AFF3: variants seen among roughly 807,000 people sequenced by gnomAD.
The protein encoded by AFF3 is ALF transcription elongation factor 3.
In AFF3, 32 loss-of-function variants were observed where a neutral mutation model predicts 129.7. The ratio of observed to expected loss-of-function variants is 0.25; its 90% CI spans 0.19 to 0.33. The LOEUF (loss-of-function observed/expected upper bound fraction) is 0.33, where lower values mean the gene tolerates loss of function less well. Among genes scored for constraint, AFF3 ranks in the 10% least tolerant of loss-of-function variants. The pLI, the probability that AFF3 is intolerant of heterozygous loss-of-function variation, is 1.00. For missense variants in AFF3, 1,373 were observed against 1,592.0 expected, an observed-to-expected ratio of 0.86 and a Z score of 2.34; for synonymous variants, 644 against 635.4, an observed-to-expected ratio of 1.01 and a Z score of -0.20.
chr2:100,138,867 C>G (rs888153516), intron 1 of AFF3, among the ~76,000 whole-genome samples: 2 of 151,436 alleles, frequency 1.3e-5, no homozygotes. Flanking sequence ...ATCACTTGAA[C>G]CCAGGAGGCG....
At chr2:99,671,206 T>C (rs1195960041) in intron 12 of AFF3, among the ~76,000 whole-genome samples, 1 of 152,062 alleles carries the variant, frequency 6.6e-6, no homozygotes. Context: ...ACACAAAGAG[T>C]TGAAATCATT....
chr2:100,044,849 C>T (rs1291491163), intron 4 of AFF3, among the ~76,000 whole-genome samples: 2 of 151,898 alleles, frequency 1.3e-5, no homozygotes, highest in African/African-American at 2.4e-5. Flanking sequence ...GATGGGGCCT[C>T]GAAATGGACA....
intron 20 of AFF3, among the ~76,000 whole-genome samples, chr2:99,565,075 C>T (rs1021175329): frequency 6.6e-6 from 1 of 152,080 alleles, no homozygotes; most frequent in Admixed American, 6.5e-5. Flanking sequence ...CCATAAAATC[C>T]TCCTGAATGT....
chr2:99,697,257 C>T (rs1348680682), intron 11 of AFF3, among the ~76,000 whole-genome samples: 1 of 152,228 alleles, frequency 6.6e-6, no homozygotes, highest in Non-Finnish European at 1.5e-5. Flanking sequence ...GGAGTCCTGC[C>T]GCCCATTCAG....
At chr2:100,054,830 C>T (rs1686632958) in intron 4 of AFF3, among the ~76,000 whole-genome samples, 2 of 152,204 alleles carry the variant, frequency 1.3e-5, no homozygotes, top group Admixed American at 1.3e-4. Flanking sequence ...GCACTGCTCC[C>T]TGTGGCACCT....
At chr2:99,754,552 T>C (rs1681929375) in intron 8 of AFF3, among the ~76,000 whole-genome samples, 1 of 152,186 alleles carries the variant, frequency 6.6e-6, no homozygotes, top group South Asian at 2.1e-4. Context: ...AGATAAACTA[T>C]TATTTCAGCG....
chr2:100,004,771 AAC>A (rs1559048843), intron 7 of AFF3, among the ~76,000 whole-genome samples: 1 of 152,156 alleles, frequency 6.6e-6, no homozygotes, highest in East Asian at 1.9e-4. Flanking sequence ...GGACTGATTA[AAC>A]AGACAAGTGT....
chr2:99,677,362 T>C (rs7561009), intron 11 of AFF3, among the ~76,000 whole-genome samples: 132,049 of 152,132 alleles, frequency 0.87, 57,520 homozygotes, highest in African/African-American at 0.94. Flanking sequence ...CTGTCAGGGA[T>C]ACTCCACGTT....
chr2:100,068,077 C>T (rs1007086661), intron 4 of AFF3, among the ~76,000 whole-genome samples: 1 of 152,184 alleles, frequency 6.6e-6, no homozygotes, highest in Non-Finnish European at 1.5e-5. Flanking sequence ...AAAGGCTGGC[C>T]TTGTTGTACT....
intron 12 of AFF3, among the ~76,000 whole-genome samples, chr2:99,665,299 A>T (rs1180213548): frequency 6.6e-6 from 1 of 152,234 alleles, no homozygotes; most frequent in Non-Finnish European, 1.5e-5. Flanking sequence ...GAAATACAAT[A>T]GTTTATACCA....
chr2:99,649,178 C>A (rs1685002403), intron 13 of AFF3, among the ~76,000 whole-genome samples: 1 of 151,988 alleles, frequency 6.6e-6, no homozygotes, highest in Non-Finnish European at 1.5e-5. Context: ...GCACGTGGGA[C>A]CGTGAGTTGT....
chr2:99,669,240 A>G (rs1038736120), intron 12 of AFF3, among the ~76,000 whole-genome samples: 1 of 152,220 alleles, frequency 6.6e-6, no homozygotes, highest in Admixed American at 6.5e-5. Context: ...GACCTGTACA[A>G]GGATAAAAAG....
chr2:99,671,939 C>T (rs920549460), intron 12 of AFF3, among the ~76,000 whole-genome samples: 2 of 152,054 alleles, frequency 1.3e-5, no homozygotes, highest in Non-Finnish European at 2.9e-5. Flanking sequence ...ACTGATGTCT[C>T]GAGCTGATAA....
chr2:99,582,741 T>C (rs1037549861), intron 17 of AFF3, 57 bp downstream of exon 17: 10 of 1,573,510 alleles, frequency 6.4e-6, no homozygotes, highest in East Asian at 2.2e-5. Context: ...GAGACAGAGC[T>C]TGGGGGTGCT....
At chr2:100,080,771 A>C (rs1688983924) in intron 4 of AFF3, among the ~76,000 whole-genome samples, 1 of 152,126 alleles carries the variant, frequency 6.6e-6, no homozygotes, top group African/African-American at 2.4e-5. Context: ...ACTTCTCTAA[A>C]AAAGATGGCT....
At chr2:99,966,507 G>T (rs1576446375) in intron 7 of AFF3, among the ~76,000 whole-genome samples, 2 of 150,826 alleles carry the variant, frequency 1.3e-5, no homozygotes, top group South Asian at 4.2e-4. Flanking sequence ...CGGCTAAAAC[G>T]GTGAAACCCC....
rs1206037364 is a variant in AFF3, at chr2:100,083,524, C to T, written c.53+20878G>A. 9.2e-5 allele frequency among the ~76,000 whole-genome samples: 14 copies of T among 152,284 alleles called. No homozygotes were observed. In the South Asian group the frequency reaches 2.9e-3, roughly 32 times the overall value. ...GCCAAGCTACCCTCTTCGTGCCCACCGTTTCCTTTGCTGCTAGAAACACTC... is the reference window on the plus strand; with the variant it reads ...GCCAAGCTACCCTCTTCGTGCCCACTGTTTCCTTTGCTGCTAGAAACACTC... On this transcript the variant is annotated intron_variant, in intron 4 of 24. Coordinates refer to ENST00000672756, the MANE Select transcript of AFF3 (RefSeq NM_001386135.1).
intron 7 of AFF3, among the ~76,000 whole-genome samples, chr2:99,974,085 G>A (rs1349643312): frequency 2.0e-5 from 3 of 152,220 alleles, no homozygotes; most frequent in Non-Finnish European, 2.9e-5. Flanking sequence ...TACAAATTAT[G>A]TTAATATAAC....
chr2:99,803,264 C>A (rs373271450), intron 8 of AFF3, among the ~76,000 whole-genome samples: 1 of 152,034 alleles, frequency 6.6e-6, no homozygotes, highest in Admixed American at 6.6e-5. Context: ...TTGTGTATGA[C>A]GAACCATCCC....
Sources: gnomAD v4.1 joint callset for allele counts (sites outside exome capture counted in the v4.1 genomes callset) on GRCh38, gnomAD v4.1.1 for gene constraint, MANE v1.5 for transcripts, NCBI Gene and HGNC (gene_info 2026-07-23, HGNC 2026-07-21) for gene names.